The following ABCA10 variants were observed in gnomAD, a reference collection of about 807,000 sequenced individuals.
The protein encoded by ABCA10 is ATP-binding cassette sub-family A member 10.
Under a neutral mutation model 187.5 loss-of-function variants are expected in ABCA10, and 169 were observed. The observed-to-expected ratio is 0.90, with a 90% confidence interval of 0.80 to 1.02. The LOEUF (loss-of-function observed/expected upper bound fraction) is 1.02, where lower values mean the gene tolerates loss of function less well. Among genes scored for constraint, ABCA10 ranks in the 50% least tolerant of loss-of-function variants. ABCA10 has a pLI of 0.00. For missense variants in ABCA10, 1,727 were observed against 1,812.4 expected (o/e 0.95, Z 0.86); for synonymous variants, 574 against 601.8 (o/e 0.95, Z 0.68).
At chr17:69,211,818 T>A (rs2074662892) in intron 9 of ABCA10, among the ~76,000 whole-genome samples, 1 of 152,200 alleles carries the variant, frequency 6.6e-6, no homozygotes, top group South Asian at 2.1e-4. Context: ...TTCTGTGTTA[T>A]CAGTTGTAAT....
chr17:69,148,606 G>T lies in ABCA10; in HGVS notation c.*221C>A, dbSNP rs1308201730. ...AAGCACAAAATAGACCCATGTTGGG[G>T]ATGAATAACATGTCTGATTTTGTTA... On this transcript the variant is annotated 3_prime_UTR_variant, in exon 39 of 39. Transcript: ENST00000690296. 20 of 476,236 alleles carry T rather than the reference G, an allele frequency of 4.2e-5. 1 individual carries two copies. In the Admixed American group the frequency reaches 5.3e-4, roughly 13 times the overall value. 29.5% of individuals were successfully genotyped at this position (476,236 alleles called of 1,614,324 possible).
Position 69,152,056 on chromosome 17 carries a change from C to A in ABCA10, c.4384G>T (p.Ala1462Ser), listed in dbSNP as rs543737896. 24 of 1,609,422 alleles carry A rather than the reference C, an allele frequency of 1.5e-5. No homozygotes were observed. Among genetic ancestry groups the A allele is most frequent in the African/African-American group, 4.0e-5 (3 of 74,648 alleles). The change falls in exon 36 of 39, where the codon GCT (alanine) becomes TCT (serine). Residue 1462 changes from alanine to serine, a missense_variant. By Grantham distance (99) the Ala-to-Ser change is moderately conservative (BLOSUM62 1). Transcript: ENST00000690296. ...AACATCCTTTACCTTTCCTGCCAAGCAGCCTGTGGGAAAAGCTTCAAAATC... is the reference window on the plus strand; with the variant it reads ...AACATCCTTTACCTTTCCTGCCAAGAAGCCTGTGGGAAAAGCTTCAAAATC... ...TEILKLFPQA[A>S]WQERYSSLMA...
At chr17:69,220,909 C>G (rs2074742700) in intron 5 of ABCA10, among the ~76,000 whole-genome samples, 1 of 152,122 alleles carries the variant, frequency 6.6e-6, no homozygotes, top group African/African-American at 2.4e-5. Flanking sequence ...CACATTTGGC[C>G]CCCAGAGCCT....
chr17:69,189,646 T>C (rs1302192401), intron 18 of ABCA10, among the ~76,000 whole-genome samples: 1 of 152,212 alleles, frequency 6.6e-6, no homozygotes, highest in Non-Finnish European at 1.5e-5. Context: ...CAGGTTTTTA[T>C]AGTCTTAGGT....
intron 1 of ABCA10, among the ~76,000 whole-genome samples, chr17:69,243,925 T>C (rs1211345061): frequency 1.3e-5 from 2 of 152,134 alleles, no homozygotes; most frequent in South Asian, 2.1e-4. Flanking sequence ...CAAATGATGC[T>C]TGAAATTCTT....
At chr17:69,203,687 G>C (rs2074566415) in intron 9 of ABCA10, among the ~76,000 whole-genome samples, 1 of 152,148 alleles carries the variant, frequency 6.6e-6, no homozygotes, top group African/African-American at 2.4e-5. Context: ...ACCAGTGAAA[G>C]AGCCTACATA....
intron 9 of ABCA10, among the ~76,000 whole-genome samples, chr17:69,210,263 C>G (rs8080133): frequency 7.1e-6 from 1 of 140,262 alleles, no homozygotes; most frequent in South Asian, 2.3e-4. Context: ...AATCTCGGCT[C>G]ACTGCAAGCT....
At chr17:69,211,563 CTTCT>C (rs771990722) in intron 9 of ABCA10, among the ~76,000 whole-genome samples, 95 of 151,366 alleles carry the variant, frequency 6.3e-4, no homozygotes, top group Non-Finnish European at 9.9e-4. Flanking sequence ...GGTATCAATT[CTTCT>C]TTGAGTGTCT....
rs141867184 is a variant in ABCA10 at position 69,216,268 on chromosome 17, A to T, written c.621T>A (p.His207Gln). 1.9e-5 allele frequency: 30 copies of T among 1,613,638 alleles called. No homozygotes were observed. The East Asian group carries it at 6.5e-4, about 35-fold the overall frequency. ...LVITSIPIVF[H>Q]TGFMVIFTLY... is the part of the protein sequence containing the mutation. ...GTGTGAATATCACCATGAAGCCAGT[A>T]TGAAATACAATTGGGATTGATGTTA... Residue 207 changes from histidine (H) to glutamine (Q), a missense_variant, in exon 7 of 39, where the codon CAT becomes CAA. Coordinates refer to ENST00000690296, the MANE Select transcript of ABCA10 (RefSeq NM_001377321.1).
chr17:69,197,333 A>T (rs2144811965), intron 10 of ABCA10, among the ~76,000 whole-genome samples: 1 of 152,162 alleles, frequency 6.6e-6, no homozygotes, highest in Middle Eastern at 3.4e-3. Context: ...CATTTCATAT[A>T]TTCCAGCTAT....
chr17:69,185,972 G>A (rs966170318), intron 19 of ABCA10, among the ~76,000 whole-genome samples: 4 of 152,096 alleles, frequency 2.6e-5, no homozygotes, highest in African/African-American at 7.2e-5. Context: ...GCCTGCTTGG[G>A]TACTTTTGAT....
intron 11 of ABCA10, among the ~76,000 whole-genome samples, chr17:69,195,440 TTTTAA>T (rs1419452946): frequency 4.6e-5 from 7 of 151,720 alleles, no homozygotes; most frequent in Admixed American, 1.3e-4. Context: ...CAGAAACATA[TTTTAA>T]TTTTTTTGTT....
intron 27 of ABCA10, among the ~76,000 whole-genome samples, chr17:69,162,367 T>G (rs2074223846): frequency 6.6e-6 from 1 of 152,116 alleles, no homozygotes; most frequent in South Asian, 2.1e-4. Context: ...TGGGCAACAG[T>G]TTTTTGGATG....
intron 9 of ABCA10, among the ~76,000 whole-genome samples, chr17:69,206,423 G>A (rs890683497): frequency 3.9e-5 from 6 of 152,102 alleles, no homozygotes; most frequent in Non-Finnish European, 7.3e-5. Flanking sequence ...CTTCACAAGC[G>A]CTAAGGAAAC....
Position 69,225,306 on chromosome 17 carries a change from T to C in ABCA10, c.34+19A>G, listed in dbSNP as rs373385744. 16 of 1,611,998 alleles carry C rather than the reference T, an allele frequency of 9.9e-6. No individual in the cohort carries two copies. Among genetic ancestry groups the C allele is most frequent in the Middle Eastern group, 1.6e-4 (1 of 6,072 alleles). ...ATTAAGTCACATAATACTGAAACAT[T>C]GGTTATTGGACAACACACCTTTCAT... On this transcript the variant is annotated intron_variant, in intron 3 of 38. Transcript: ENST00000690296.
At chr17:69,205,228 A>G (rs2074582436) in intron 9 of ABCA10, among the ~76,000 whole-genome samples, 1 of 152,236 alleles carries the variant, frequency 6.6e-6, no homozygotes, top group South Asian at 2.1e-4. Flanking sequence ...AAGAATTTTA[A>G]TTTGAAGCTG....
intron 9 of ABCA10, among the ~76,000 whole-genome samples, chr17:69,204,169 C>G (rs1438914349): frequency 6.6e-6 from 1 of 152,148 alleles, no homozygotes; most frequent in Non-Finnish European, 1.5e-5. Context: ...GAAAAATCTC[C>G]CGGTAATTAT....
intron 11 of ABCA10, 73 bp from the exon 12 acceptor site, chr17:69,194,568 G>A: frequency 3.1e-6 from 3 of 965,906 alleles, no homozygotes; most frequent in Non-Finnish European, 4.7e-6. Context: ...AATTGGAAAA[G>A]TAAAATATAT....
intron 20 of ABCA10, among the ~76,000 whole-genome samples, chr17:69,184,089 C>T (rs1255749587): frequency 6.6e-6 from 1 of 152,144 alleles, no homozygotes; most frequent in African/African-American, 2.4e-5. Context: ...TCACTGCCGG[C>T]TTTCCCCTAC....
Sources: gnomAD v4.1 joint callset for allele counts (sites outside exome capture counted in the v4.1 genomes callset) on GRCh38, gnomAD v4.1.1 for gene constraint, MANE v1.5 for transcripts, NCBI Gene and HGNC (gene_info 2026-07-23, HGNC 2026-07-21) for gene names.